ZNF451: variants seen among roughly 807,000 people sequenced by gnomAD.
ZNF451 encodes the protein zinc finger protein 451, also known as E3 SUMO-protein ligase ZNF451.
In ZNF451, 80 loss-of-function variants were observed where a neutral mutation model predicts 107.1. The observed-to-expected ratio is 0.75, with a 90% CI of 0.62 to 0.90. The LOEUF (loss-of-function observed/expected upper bound fraction) is 0.90. Ranked by LOEUF, ZNF451 falls within the 40% of genes least tolerant of loss-of-function variation. The pLI is 0.00. For missense variants in ZNF451, 1,107 were observed against 1,236.2 expected, an observed-to-expected ratio of 0.90 and a Z score of 1.57; for synonymous variants, 362 against 406.5, an observed-to-expected ratio of 0.89 and a Z score of 1.32.
chr6:57,138,403 C>T (rs1170176537), intron 7 of ZNF451, among the ~76,000 whole-genome samples: 1 of 151,772 alleles, frequency 6.6e-6, no homozygotes, highest in Non-Finnish European at 1.5e-5. Context: ...GCTGGGATTA[C>T]AGGCGCCTGC....
intron 3 of ZNF451, chr6:57,106,171 A>G: frequency 1.0e-6 from 1 of 985,426 alleles, no homozygotes; most frequent in Non-Finnish European, 1.2e-6. Context: ...TTGTCTGGTA[A>G]AATTGGATAC....
chr6:57,112,249 G>C (rs1562598119), intron 3 of ZNF451, among the ~76,000 whole-genome samples: 1 of 152,120 alleles, frequency 6.6e-6, no homozygotes, highest in Non-Finnish European at 1.5e-5. Context: ...CTTTAGGATG[G>C]GCAATAATAA....
At chr6:57,126,371 CTTA>C (rs1177106057) in intron 4 of ZNF451, among the ~76,000 whole-genome samples, 1 of 151,744 alleles carries the variant, frequency 6.6e-6, no homozygotes, top group African/African-American at 2.4e-5. Context: ...TTATGGATTA[CTTA>C]TTTTTTAAAA....
rs146154326 is a variant in ZNF451, at chr6:57,119,142, A to C, written c.187-5592A>C. ...TGTTTGACTTGGCCAGTGCACCACTATCCCACTTTAGATAAAAATTGGGTT... is the reference window on the plus strand; with the variant it reads ...TGTTTGACTTGGCCAGTGCACCACTCTCCCACTTTAGATAAAAATTGGGTT... On this transcript the variant is annotated intron_variant, in intron 3 of 14. Transcript: ENST00000370706. Among the ~76,000 whole-genome samples, 1,067 of 152,328 alleles carry C rather than the reference A, an allele frequency of 7.0e-3. 4 individuals are homozygous for C. The highest frequency in any genetic ancestry group is 9.7e-3 in the Non-Finnish European group (657 of 68,018).
In ZNF451 at chr6:57,090,288, T is replaced by C. The variant is rs753769026; in HGVS notation, c.21+14T>C. On this transcript the variant is annotated intron_variant, in intron 1 of 14. Transcript: ENST00000370706. ...CCGGGGTCGGAGGTGAGTAGTCGAG[T>C]GAGGGTCCTGGCGTTCTCAGAGGCG... 3.1e-6 allele frequency: 5 copies of C among 1,610,378 alleles called. No individual in the cohort carries two copies. The highest frequency in any genetic ancestry group is 2.2e-5 in the East Asian group (1 of 44,814).
At chr6:57,151,531 GTTTTGT>G (rs992234668) in intron 11 of ZNF451, among the ~76,000 whole-genome samples, 1 of 152,068 alleles carries the variant, frequency 6.6e-6, no homozygotes, top group African/African-American at 2.4e-5. Context: ...AGAAGCAGAT[GTTTTGT>G]TTTTGTTTTT....
At chr6:57,094,436 G>A (rs1829194911) in intron 2 of ZNF451, among the ~76,000 whole-genome samples, 1 of 152,096 alleles carries the variant, frequency 6.6e-6, no homozygotes, top group African/African-American at 2.4e-5. Flanking sequence ...AGCCTTCCGA[G>A]TAGCTGGGAC....
At chr6:57,102,982 G>A (rs1199795195) in intron 3 of ZNF451, 1 of 985,224 alleles carries the variant, frequency 1.0e-6, no homozygotes, top group Non-Finnish European at 1.2e-6. Context: ...ACTGTAAGCT[G>A]GGCCTTTCAC....
At chr6:57,108,052 G>A (rs571649009) in intron 3 of ZNF451, 7 of 641,672 alleles carry the variant, frequency 1.1e-5, no homozygotes, top group African/African-American at 4.0e-5. Context: ...GTTAGTCCAG[G>A]TGGTCTCAAT....
chr6:57,101,154 C>T, intron 3 of ZNF451: 1 of 1,550,672 alleles, frequency 6.4e-7, no homozygotes, highest in Non-Finnish European at 8.7e-7. Flanking sequence ...CAGCTGATGA[C>T]AAAGGGCAGC....
intron 11 of ZNF451, among the ~76,000 whole-genome samples, chr6:57,151,599 C>T (rs1832353706): frequency 6.6e-6 from 1 of 152,120 alleles, no homozygotes; most frequent in Non-Finnish European, 1.5e-5. Flanking sequence ...ATTATTTGGC[C>T]TCTCAGCTAT....
intron 2 of ZNF451, among the ~76,000 whole-genome samples, chr6:57,097,019 C>T (rs1430345149): frequency 6.6e-6 from 1 of 152,020 alleles, no homozygotes; most frequent in Non-Finnish European, 1.5e-5. Flanking sequence ...ATCTACCCAC[C>T]TCTGCCTCCC....
At chr6:57,099,545 T>TA (rs1291663280) in intron 3 of ZNF451, 1 of 716,244 alleles carries the variant, frequency 1.4e-6, no homozygotes, top group Non-Finnish European at 2.6e-6. Flanking sequence ...GAAAAAAGGA[T>TA]ATGTAGAGAT....
At chr6:57,105,665 C>T (rs1334363359) in intron 3 of ZNF451, 69 of 985,162 alleles carry the variant, frequency 7.0e-5, no homozygotes, top group Non-Finnish European at 7.6e-5. Context: ...TTTTGGGGGG[C>T]CTTAAGGCAG....
Position 57,168,718 on chromosome 6 carries a change from T to G in ZNF451, c.*249T>G, listed in dbSNP as rs1764011953. On this transcript the variant is annotated 3_prime_UTR_variant, in exon 15 of 15. Coordinates refer to ENST00000370706, the MANE Select transcript of ZNF451 (RefSeq NM_001031623.3). ...TGTATTCTAATATAGGTGTAACAGT[T>G]TCCCAGTTAACTTTGAATTTATATA... 2.6e-6 allele frequency: 1 copy of G among 380,756 alleles called. No individual in the cohort carries two copies. Among genetic ancestry groups the G allele is most frequent in the Non-Finnish European group, 4.6e-6 (1 of 215,268 alleles). 23.6% of individuals were successfully genotyped at this position (380,756 alleles called of 1,614,324 possible).
In ZNF451 at chr6:57,148,091, G is replaced by C. The variant is rs778571187; in HGVS notation, c.2006G>C (p.Cys669Ser). 6 of 1,614,048 alleles carry C rather than the reference G, an allele frequency of 3.7e-6. No homozygotes were observed. Among genetic ancestry groups the C allele is most frequent in the African/African-American group, 1.3e-5 (1 of 75,042 alleles). ...AATGAGATAAAGATTAAATACTTCT[G>C]TGGGCTTTGTGATCTTATCTTTAAT... ...HDNEIKIKYF[C>S]GLCDLIFNVE... The change falls in exon 10 of 15, where the codon TGT becomes TCT. Residue 669 changes from cysteine (C) to serine (S), a missense_variant. By Grantham distance (112) the Cys-to-Ser change is moderately radical. This residue lies in a region of ZNF451 where 608 missense variants were observed against 649.2 expected (regional missense o/e 0.94). Coordinates refer to ENST00000370706, the MANE Select transcript of ZNF451 (RefSeq NM_001031623.3).
chr6:57,142,121 G>C (rs1274975950), intron 9 of ZNF451, 26 bp downstream of exon 9: 3 of 1,569,886 alleles, frequency 1.9e-6, no homozygotes, highest in African/African-American at 2.7e-5. Flanking sequence ...GAGCTGTAAA[G>C]GAATACGGAT....
At chr6:57,095,524 G>T (rs926192888) in intron 2 of ZNF451, among the ~76,000 whole-genome samples, 3 of 151,528 alleles carry the variant, frequency 2.0e-5, no homozygotes, top group Admixed American at 2.0e-4. Context: ...GTAGAGATGA[G>T]GTCTCACTGT....
At chr6:57,140,082 A>C (rs1831676404) in intron 7 of ZNF451, among the ~76,000 whole-genome samples, 2 of 152,150 alleles carry the variant, frequency 1.3e-5, no homozygotes, top group African/African-American at 4.8e-5. Context: ...TGCAAAATGG[A>C]AAATGAGGCA....
Sources: allele counts gnomAD v4.1 joint callset (sites outside exome capture counted in the v4.1 genomes callset), GRCh38; gene constraint gnomAD v4.1.1; regional missense constraint gnomAD v4.1.1; transcripts MANE v1.5; gene names NCBI Gene and HGNC (gene_info 2026-07-23, HGNC 2026-07-21).